The following TLCD3B variants were observed in gnomAD, a reference collection of about 807,000 sequenced individuals.
The protein encoded by TLCD3B is TLC domain containing 3B, also known as ceramide synthase.
TLCD3B carries 9 observed loss-of-function variants against 23.0 expected under a neutral mutation model. That is an observed-to-expected ratio of 0.39 (90% CI 0.24 to 0.68). The LOEUF (loss-of-function observed/expected upper bound fraction) is 0.68, where lower values mean the gene tolerates loss of function less well. TLCD3B is among the 30% of genes least tolerant of loss of function. The pLI, the probability that TLCD3B is intolerant of heterozygous loss-of-function variation, is 0.44. For synonymous variants in TLCD3B, 161 were observed against 161.0 expected (o/e 1.00, Z 0.00); for missense variants, 307 against 371.8 (o/e 0.83, Z 1.43).
At chr16:30,052,468 G>C (rs1445368873) in intron 1 of TLCD3B, among the ~76,000 whole-genome samples, 1 of 151,800 alleles carries the variant, frequency 6.6e-6, no homozygotes, top group Non-Finnish European at 1.5e-5. Context: ...AAGCTGAGGC[G>C]GGCGCATCAC....
chr16:30,043,217 G>A (rs1207762851), intron 2 of TLCD3B, among the ~76,000 whole-genome samples: 2 of 152,008 alleles, frequency 1.3e-5, no homozygotes, highest in African/African-American at 4.8e-5. Context: ...AGACATACTG[G>A]GGTTTTTGTT....
chr16:30,039,645 CTT>C (rs912312317), intron 3 of TLCD3B, among the ~76,000 whole-genome samples: 1 of 151,742 alleles, frequency 6.6e-6, no homozygotes, highest in Admixed American at 6.6e-5. Flanking sequence ...GGAAAGGAAT[CTT>C]TGTACTTTTT....
chr16:30,027,013 T>C (rs1351561685), intron 2 of TLCD3B, 170 bp from the exon 3 acceptor site: 5 of 699,586 alleles, frequency 7.1e-6, no homozygotes, highest in Non-Finnish European at 1.3e-5. Flanking sequence ...CACACAGTCA[T>C]GCAGCTAGTA....
chr16:30,043,087 A>G (rs531245174), intron 2 of TLCD3B, among the ~76,000 whole-genome samples: 5 of 152,242 alleles, frequency 3.3e-5, no homozygotes, highest in African/African-American at 9.6e-5. Flanking sequence ...TGACAGAGTA[A>G]AACTCCGTCT....
chr16:30,027,837 G>A (rs1435007215), intron 2 of TLCD3B: 14 of 353,436 alleles, frequency 4.0e-5, no homozygotes, highest in Admixed American at 1.8e-4. Flanking sequence ...CACAAGGGGT[G>A]GAGGGATGAA....
intron 3 of TLCD3B, among the ~76,000 whole-genome samples, chr16:30,026,168 G>A (rs2071124820): frequency 6.6e-6 from 1 of 151,930 alleles, no homozygotes; most frequent in Admixed American, 6.6e-5. Flanking sequence ...TCAGGAGGCG[G>A]AGGTTTCAGT....
upstream of TLCD3B, chr16:30,036,230 G>A (rs1203167283): frequency 7.8e-7 from 1 of 1,289,082 alleles, no homozygotes; most frequent in East Asian, 5.5e-5. Context: ...AAAAAGGAAG[G>A]GAGGGGGTTG....
At chr16:30,051,899 A>C (rs2071761915) in intron 1 of TLCD3B, among the ~76,000 whole-genome samples, 1 of 152,164 alleles carries the variant, frequency 6.6e-6, no homozygotes, top group African/African-American at 2.4e-5. Flanking sequence ...CAGCAACTGC[A>C]AAGCTGTGGA....
intron 3 of TLCD3B, among the ~76,000 whole-genome samples, 164 bp downstream of exon 3, chr16:30,026,445 C>G (rs2071139693): frequency 6.6e-6 from 1 of 152,174 alleles, no homozygotes; most frequent in African/African-American, 2.4e-5. Context: ...GTGCCCTGGG[C>G]TGGTGCTCAG....
chr16:30,046,454 T>A (rs1368849443), intron 1 of TLCD3B: 1 of 152,202 alleles, frequency 6.6e-6, no homozygotes, highest in Non-Finnish European at 1.5e-5. Flanking sequence ...TGGCCAGAAG[T>A]GGCCTGTTTC....
chr16:30,041,974 T>C (rs1412925210), intron 2 of TLCD3B, among the ~76,000 whole-genome samples: 1 of 152,196 alleles, frequency 6.6e-6, no homozygotes, highest in Non-Finnish European at 1.5e-5. Context: ...GGAAAAATCT[T>C]GGTTTGGAGA....
In TLCD3B at chr16:30,029,613, A is replaced by G; in HGVS notation, c.126-98T>C. ...AGTCTAACGACTGCGCTTTGCGTTC[A>G]GCCACTTCTCGGGCCAGTCCTTGCC... On this transcript the variant is annotated intron_variant, in intron 1 of 4. Transcript: ENST00000380495. This position sits in a 1 kb window ranked among gnomAD's most constrained non-coding sequence, Gnocchi z 4.6. 1 of 1,078,540 alleles carries G rather than the reference A, an allele frequency of 9.3e-7. No homozygotes were observed. The allele number at this position is 1,078,540 out of a possible 1,614,324, so 66.8% of individuals were successfully genotyped here. A position where few individuals can be genotyped will look rare whatever the true frequency, so the allele number is the denominator to read the frequency against.
At chr16:30,034,382 G>T (rs1416558402), upstream of TLCD3B, among the ~76,000 whole-genome samples, 1 of 148,540 alleles carries the variant, frequency 6.7e-6, no homozygotes, top group Admixed American at 6.7e-5. Flanking sequence ...AGACTAGCTT[G>T]GGCAACATAG....
intron 3 of TLCD3B, among the ~76,000 whole-genome samples, chr16:30,039,783 T>G (rs1014960052): frequency 5.9e-5 from 9 of 152,002 alleles, no homozygotes; most frequent in Non-Finnish European, 7.4e-5. Context: ...GGCCAGTGTT[T>G]GCTTCTTTAG....
intron 1 of TLCD3B, among the ~76,000 whole-genome samples, chr16:30,049,161 T>C (rs895775032): frequency 2.0e-5 from 3 of 152,148 alleles, no homozygotes; most frequent in Non-Finnish European, 4.4e-5. Context: ...GTGCCTCCTG[T>C]AAGGATTAAG....
At chr16:30,040,147 A>AAAAAAAAATATATATATATATATATAT in intron 3 of TLCD3B, among the ~76,000 whole-genome samples, 6 of 95,894 alleles carry the variant, frequency 6.3e-5, no homozygotes, top group African/African-American at 2.6e-4. Context: ...AAAAAAAAAA[A>AAAAAAAAATATATATATATATATATAT]ATATATATAT....
At chr16:30,051,550 GAAAA>G (rs2071753299) in intron 1 of TLCD3B, among the ~76,000 whole-genome samples, 5 of 144,706 alleles carry the variant, frequency 3.5e-5, no homozygotes, top group African/African-American at 1.3e-4. Flanking sequence ...GAAAAGAAAA[GAAAA>G]AAGAAAGAAA....
chr16:30,031,720 T>C (rs896552227), upstream of TLCD3B, among the ~76,000 whole-genome samples: 3 of 152,204 alleles, frequency 2.0e-5, no homozygotes, highest in Non-Finnish European at 4.4e-5. Context: ...GAAGCTGACA[T>C]TGGCCAGAGG....
At position 30,026,709 on chromosome 16, in the gene TLCD3B, G is replaced by A. The variant is rs773111522; in HGVS notation, c.344C>T (p.Pro115Leu). ...ACGCGCTATGGCCCACGTGCTGCCCGGGGCTCTGGCCGCTCCGTCGTCCCC... is the reference window on the plus strand; with the variant it reads ...ACGCGCTATGGCCCACGTGCTGCCCAGGGCTCTGGCCGCTCCGTCGTCCCC... ...HGGDDGAARA[P>L]GSTWAIARGY... Residue 115 changes from proline to leucine, a missense_variant, in exon 3 of 5, where the codon CCG (proline) becomes CTG (leucine). Pro to Leu is a moderately conservative substitution (Grantham distance 98). Transcript: ENST00000380495. The A allele has an allele frequency of 1.5e-5, 24 of 1,613,864 alleles. 1 individual carries two copies. The highest frequency in any genetic ancestry group is 5.0e-5 in the Admixed American group (3 of 59,984).
Sources: gnomAD v4.1 joint callset for allele counts (sites outside exome capture counted in the v4.1 genomes callset) on GRCh38, gnomAD v4.1.1 for gene constraint, Gnocchi (gnomAD v3.1) non-coding constraint, MANE v1.5 for transcripts, NCBI Gene and HGNC (gene_info 2026-07-23, HGNC 2026-07-21) for gene names.